CD58: variants seen among roughly 807,000 people sequenced by gnomAD.
CD58 encodes CD58 molecule.
In CD58, 14 loss-of-function variants were observed where a neutral mutation model predicts 27.6. The ratio of observed to expected loss-of-function variants is 0.51; its 90% CI spans 0.34 to 0.79. CD58 has a LOEUF of 0.79. Ranked by LOEUF, CD58 falls within the 30% of genes least tolerant of loss-of-function variation. CD58 has a pLI of 0.02. For missense variants in CD58, 268 were observed against 301.7 expected (o/e 0.89, Z 0.83); for synonymous variants, 117 against 103.8 (o/e 1.13, Z -0.77).
chr1:116,535,472 G>A (rs1657763716), intron 3 of CD58, among the ~76,000 whole-genome samples: 1 of 152,224 alleles, frequency 6.6e-6, no homozygotes, highest in Non-Finnish European at 1.5e-5. Context: ...ATTAACATAT[G>A]TATTAGAATG....
chr1:116,526,909 T>C (rs538698176), intron 3 of CD58, among the ~76,000 whole-genome samples: 11 of 152,366 alleles, frequency 7.2e-5, no homozygotes, highest in Admixed American at 5.9e-4. Flanking sequence ...TATTTTGTTA[T>C]TGTACCTAAG....
At position 116,550,718 on chromosome 1, in the gene CD58, G is replaced by A. The variant is rs1041403696; in HGVS notation, c.71-6114C>T. On this transcript the variant is annotated intron_variant, in intron 1 of 5. Coordinates refer to ENST00000369489, the MANE Select transcript of CD58 (RefSeq NM_001779.3). The surrounding 1 kb of genome is among the most constrained non-coding windows in gnomAD (Gnocchi z 4.2). The stretch of plus-strand genomic sequence containing the variant: ...TCTAGAATGCTGAATCCTTTCAGAA[G>A]GTTGTCAATTTACTTTGCCCAGATT... Among the ~76,000 whole-genome samples the A allele has an allele frequency of 4.6e-5, 7 of 152,000 alleles. No individual in the cohort carries two copies. The highest frequency in any genetic ancestry group is 1.7e-4 in the African/African-American group (7 of 41,354).
At chr1:116,560,469 A>C (rs1035488971) in intron 1 of CD58, among the ~76,000 whole-genome samples, 3 of 152,188 alleles carry the variant, frequency 2.0e-5, no homozygotes, top group African/African-American at 7.2e-5. Flanking sequence ...TACTCAGTTC[A>C]TCGTTGGGAA....
intron 1 of CD58, among the ~76,000 whole-genome samples, chr1:116,568,652 A>T (rs1034308974): frequency 6.6e-6 from 1 of 152,258 alleles, no homozygotes; most frequent in Non-Finnish European, 1.5e-5. Flanking sequence ...GCAGTGCTTA[A>T]CATATAATTG....
intron 2 of CD58, among the ~76,000 whole-genome samples, chr1:116,539,966 C>A: frequency 6.6e-6 from 1 of 152,254 alleles, no homozygotes; most frequent in East Asian, 1.9e-4. Flanking sequence ...TATCTGATGA[C>A]ATTTTATAGA....
At position 116,528,357 on chromosome 1, in the gene CD58, T is replaced by C. The variant is rs1002747475; in HGVS notation, c.629-6374A>G. ...TTTTTCCAATTTCTCTCTTTTTTCT[T>C]AGGAGTAAGATCAAAGGGTGTTTTT... On this transcript the variant is annotated intron_variant, in intron 3 of 5. Coordinates refer to ENST00000369489, the MANE Select transcript of CD58 (RefSeq NM_001779.3). This position sits in a 1 kb window ranked among gnomAD's most constrained non-coding sequence, Gnocchi z 4.4. Among the ~76,000 whole-genome samples the C allele has an allele frequency of 2.6e-5, 4 of 152,224 alleles. No individual in the cohort carries two copies. The highest frequency in any genetic ancestry group is 5.9e-5 in the Non-Finnish European group (4 of 68,038).
intron 4 of CD58, among the ~76,000 whole-genome samples, chr1:116,520,136 T>C: frequency 6.6e-6 from 1 of 152,206 alleles, no homozygotes; most frequent in East Asian, 1.9e-4. Flanking sequence ...TTTTGTTTGT[T>C]TGTTTTTTGA....
At position 116,536,029 on chromosome 1, in the gene CD58, A is replaced by G. The variant is rs1657794811; in HGVS notation, c.564T>C (p.Thr188=). The G allele has an allele frequency of 1.2e-6, 2 of 1,612,826 alleles. No homozygotes were observed. Among genetic ancestry groups the G allele is most frequent in the East Asian group, 2.2e-5 (1 of 44,864 alleles). ...TTGTATTAAATAATGGATTGCTAAG[A>G]GTACACTGTATTTTTTGTGGAAGAT... ...ENDLPQKIQC[T]LSNPLFNTTS... is the part of the protein sequence containing the mutation. The change falls in exon 3 of 6, where the codon ACT becomes ACC. Residue 188 remains threonine, a synonymous_variant. Coordinates refer to ENST00000369489, the MANE Select transcript of CD58 (RefSeq NM_001779.3). This position sits in a 1 kb window ranked among gnomAD's most constrained non-coding sequence, Gnocchi z 5.4.
chr1:116,545,253 T>G (rs1658130267), intron 1 of CD58, among the ~76,000 whole-genome samples: 1 of 152,204 alleles, frequency 6.6e-6, no homozygotes, highest in Non-Finnish European at 1.5e-5. Context: ...GCTAAGGGTT[T>G]GGACTGATCC....
chr1:116,564,442 A>G (rs1003683735), intron 1 of CD58, among the ~76,000 whole-genome samples: 1 of 152,172 alleles, frequency 6.6e-6, no homozygotes. Flanking sequence ...CCCAGTACCA[A>G]TTTACTATAT....
chr1:116,533,083 C>T lies in CD58; in HGVS notation c.628+2882G>A. 8.1e-6 allele frequency: 6 copies of T among 739,308 alleles called. No individual in the cohort carries two copies. In the Admixed American group the frequency reaches 1.1e-4, roughly 13 times the overall value. The allele number at this position is 739,308 out of a possible 1,614,324, so 45.8% of individuals were successfully genotyped here. On this transcript the variant is annotated intron_variant, in intron 3 of 5. Coordinates refer to ENST00000369489, the MANE Select transcript of CD58 (RefSeq NM_001779.3). Reference sequence around the variant, plus strand: ...AATTGTCATCATCCTTTAAGGCCTCCCCAGCGAAGTACAGCACAGCCTGTG... The same window carrying T: ...AATTGTCATCATCCTTTAAGGCCTCTCCAGCGAAGTACAGCACAGCCTGTG...
rs1199721395 is a variant in CD58, at chr1:116,528,896, C to T, written c.629-6913G>A. On this transcript the variant is annotated intron_variant, in intron 3 of 5. Transcript: ENST00000369489. This position sits in a 1 kb window ranked among gnomAD's most constrained non-coding sequence, Gnocchi z 4.4. ...ACAATGACCTCCTAAGTGCCAAATC[C>T]ACAACCTCTTCTACATTGTCCTCCT... Among the ~76,000 whole-genome samples, 3 of 152,158 alleles carry T rather than the reference C, an allele frequency of 2.0e-5. No individual in the cohort carries two copies. Among genetic ancestry groups the T allele is most frequent in the Non-Finnish European group, 4.4e-5 (3 of 68,020 alleles).
rs139790985 is a variant in CD58 at position 116,518,961 on chromosome 1, T to C, written c.743+270A>G. On this transcript the variant is annotated intron_variant, in intron 5 of 5. Coordinates refer to ENST00000369489, the MANE Select transcript of CD58 (RefSeq NM_001779.3). Reference sequence around the variant, plus strand: ...TCTCACTTGACTTCTATGAATCTCATATGCGCTGTCTCTAAGCAAGGGGTA... The same window carrying C: ...TCTCACTTGACTTCTATGAATCTCACATGCGCTGTCTCTAAGCAAGGGGTA... 147 of 997,176 alleles carry C rather than the reference T, an allele frequency of 1.5e-4. 2 individuals are homozygous for C. In the East Asian group the frequency reaches 4.5e-3, roughly 30 times the overall value. The allele number at this position is 997,176 out of a possible 1,614,324, so 61.8% of individuals were successfully genotyped here. A position where few individuals can be genotyped will look rare whatever the true frequency, so the allele number is the denominator to read the frequency against.
chr1:116,554,134 G>T (rs565014654), intron 1 of CD58, among the ~76,000 whole-genome samples: 9 of 152,254 alleles, frequency 5.9e-5, no homozygotes, highest in Non-Finnish European at 1.3e-4. Flanking sequence ...ATTTATTCAG[G>T]ATGTTAACAA....
In CD58 at chr1:116,531,733, C is replaced by T. The variant is rs747157636; in HGVS notation, c.628+4232G>A. ...AATCTATCAGTTATAAATTGGGACTCATTTGCACTTTTTCTTTTTTTTCTC... is the reference window on the plus strand; with the variant it reads ...AATCTATCAGTTATAAATTGGGACTTATTTGCACTTTTTCTTTTTTTTCTC... On this transcript the variant is annotated intron_variant, in intron 3 of 5. Transcript: ENST00000369489. This position sits in a 1 kb window ranked among gnomAD's most constrained non-coding sequence, Gnocchi z 4.5. Among the ~76,000 whole-genome samples the T allele has an allele frequency of 3.3e-4, 50 of 152,166 alleles. No homozygotes were observed. The highest frequency in any genetic ancestry group is 6.6e-4 in the Non-Finnish European group (45 of 68,024).
intron 1 of CD58, among the ~76,000 whole-genome samples, chr1:116,548,756 C>G (rs1658281937): frequency 6.6e-6 from 1 of 152,130 alleles, no homozygotes; most frequent in South Asian, 2.1e-4. Flanking sequence ...AGAAGAAACT[C>G]TAAAAATTAT....
chr1:116,554,528 A>AAT lies in CD58; in HGVS notation c.71-9926_71-9925dup, dbSNP rs1419678912. 6.6e-5 allele frequency among the ~76,000 whole-genome samples: 10 copies of AAT among 151,944 alleles called. No individual in the cohort carries two copies. The South Asian group carries it at 1.2e-3, about 19-fold the overall frequency. ...TAGTGAGACCCTGTCTCTACCAAAA[A>AAT]ATATATATATATTTTAACTATAAAA... On this transcript the variant is annotated intron_variant, in intron 1 of 5. Transcript: ENST00000369489.
At chr1:116,554,205 T>C (rs1658495146) in intron 1 of CD58, among the ~76,000 whole-genome samples, 1 of 152,316 alleles carries the variant, frequency 6.6e-6, no homozygotes, top group Admixed American at 6.5e-5. Context: ...TTTAAAGTTA[T>C]CTATACTAGT....
chr1:116,553,626 T>C (rs569748709), intron 1 of CD58, among the ~76,000 whole-genome samples: 306 of 152,314 alleles, frequency 2.0e-3, no homozygotes, highest in African/African-American at 7.1e-3. Context: ...AACATCATGC[T>C]TTCAGTTTGA....
Sources: gnomAD v4.1 joint callset for allele counts (sites outside exome capture counted in the v4.1 genomes callset) on GRCh38, gnomAD v4.1.1 for gene constraint, Gnocchi (gnomAD v3.1) non-coding constraint, MANE v1.5 for transcripts, NCBI Gene and HGNC (gene_info 2026-07-23, HGNC 2026-07-21) for gene names.